Variants in ADAM22 observed in about 807,000 individuals in gnomAD.
ADAM22 encodes disintegrin and metalloproteinase domain-containing protein 22.
A neutral mutation model predicts 144.6 loss-of-function variants in ADAM22; 65 were observed. The ratio of observed to expected loss-of-function variants is 0.45; its 90% CI spans 0.37 to 0.55. The LOEUF is 0.55. ADAM22 is among the 20% of genes least tolerant of loss of function. ADAM22 has a pLI of 0.00. For missense variants in ADAM22, 974 were observed against 1,184.9 expected (o/e 0.82, Z 2.61); for synonymous variants, 391 against 412.6 (o/e 0.95, Z 0.63).
rs574358828 is a variant in ADAM22, at chr7:88,116,380, A to G, written c.538-365A>G. On this transcript the variant is annotated intron_variant, in intron 6 of 31. Coordinates refer to ENST00000413139, the MANE Select transcript of ADAM22 (RefSeq NM_001324418.2). ...AGATTGTTAGCTCTGTAGTCTGCCTACCAAAGCTCTCTGACTTTTAAAAGG... is the reference window on the plus strand; with the variant it reads ...AGATTGTTAGCTCTGTAGTCTGCCTGCCAAAGCTCTCTGACTTTTAAAAGG... 1.1e-4 allele frequency among the ~76,000 whole-genome samples: 16 copies of G among 152,300 alleles called. No individual in the cohort carries two copies. In the East Asian group the frequency reaches 2.9e-3, roughly 28 times the overall value.
In ADAM22 at chr7:87,944,971, C is replaced by T. The variant is rs189575523; in HGVS notation, c.246+9785C>T. The stretch of plus-strand genomic sequence containing the variant: ...TTTCTTTTTATTATTTCTTCCTCCT[C>T]TTTCTTTACCTTCTTGTCTTTCACC... On this transcript the variant is annotated intron_variant, in intron 2 of 31. Transcript: ENST00000413139. 5.3e-4 allele frequency among the ~76,000 whole-genome samples: 74 copies of T among 140,168 alleles called. 1 individual carries two copies. The highest frequency in any genetic ancestry group is 1.9e-3 in the African/African-American group (67 of 35,610). 92.0% of individuals were successfully genotyped at this position (140,168 alleles called of 152,430 possible).
At chr7:88,133,248 A>C (rs1832232452) in intron 12 of ADAM22, among the ~76,000 whole-genome samples, 1 of 151,916 alleles carries the variant, frequency 6.6e-6, no homozygotes, top group Non-Finnish European at 1.5e-5. Flanking sequence ...CTGTAGCCCC[A>C]GCTACTGGGG....
intron 2 of ADAM22, among the ~76,000 whole-genome samples, chr7:87,954,881 C>A (rs937703892): frequency 6.6e-6 from 1 of 152,104 alleles, no homozygotes; most frequent in African/African-American, 2.4e-5. Flanking sequence ...TCATTTCATT[C>A]ATTTCATCTT....
At chr7:88,143,418 T>G (rs1835386579) in intron 15 of ADAM22, among the ~76,000 whole-genome samples, 1 of 152,226 alleles carries the variant, frequency 6.6e-6, no homozygotes, top group Non-Finnish European at 1.5e-5. Context: ...AAAAATGGTT[T>G]TATTACTTTT....
chr7:87,964,925 CAT>C (rs754062920), intron 2 of ADAM22, among the ~76,000 whole-genome samples: 1 of 152,148 alleles, frequency 6.6e-6, no homozygotes, highest in African/African-American at 2.4e-5. Flanking sequence ...CCTATGTGTG[CAT>C]TGCAAGACTA....
intron 2 of ADAM22, among the ~76,000 whole-genome samples, chr7:87,957,504 C>T (rs1472726674): frequency 6.6e-6 from 1 of 152,144 alleles, no homozygotes; most frequent in African/African-American, 2.4e-5. Context: ...TCTTGCCCTT[C>T]TGTTTTCCCC....
intron 2 of ADAM22, among the ~76,000 whole-genome samples, chr7:87,938,441 A>G (rs1184057641): frequency 6.6e-6 from 1 of 150,636 alleles, no homozygotes; most frequent in Non-Finnish European, 1.5e-5. Context: ...CTGGTCTAGA[A>G]CTCCTGACCT....
At chr7:88,020,150 G>A (rs778564224) in intron 3 of ADAM22, among the ~76,000 whole-genome samples, 1 of 152,132 alleles carries the variant, frequency 6.6e-6, no homozygotes, top group East Asian at 1.9e-4. Context: ...TATTGGTATC[G>A]TGGTGTTAAT....
intron 3 of ADAM22, among the ~76,000 whole-genome samples, chr7:88,006,210 G>A (rs1485901323): frequency 6.6e-6 from 1 of 152,060 alleles, no homozygotes; most frequent in Non-Finnish European, 1.5e-5. Context: ...GGAAGAAGTT[G>A]AATCTCTGAA....
chr7:87,944,523 A>G (rs1206533622), intron 2 of ADAM22, among the ~76,000 whole-genome samples: 1 of 152,126 alleles, frequency 6.6e-6, no homozygotes, highest in Non-Finnish European at 1.5e-5. Context: ...GAGGCTACAC[A>G]TAGCTTGGTG....
chr7:88,001,649 G>A (rs986356146), intron 3 of ADAM22, among the ~76,000 whole-genome samples: 8 of 151,940 alleles, frequency 5.3e-5, no homozygotes, highest in Non-Finnish European at 1.2e-4. Flanking sequence ...TGAGAGGATG[G>A]CATTTTGAGG....
Position 87,935,075 on chromosome 7 carries a change from G to T in ADAM22, c.135G>T (p.Val45=). ...ELEKRKENRF[V]ERQSIVPLRL... ...AGAAGAGGAAGGAAAACCGCTTCGT[G>T]GAGCGCCAGAGCATCGTGCCACTGC... The change falls in exon 2 of 32, where the codon GTG becomes GTT. Residue 45 remains valine, a synonymous_variant. Transcript: ENST00000413139. 6.2e-7 allele frequency: 1 copy of T among 1,614,198 alleles called. No individual in the cohort carries two copies. The highest frequency in any genetic ancestry group is 8.5e-7 in the Non-Finnish European group (1 of 1,180,050).
At chr7:88,045,463 T>C (rs1421305293) in intron 3 of ADAM22, among the ~76,000 whole-genome samples, 2 of 152,238 alleles carry the variant, frequency 1.3e-5, no homozygotes, top group African/African-American at 4.8e-5. Flanking sequence ...GTATGCATGA[T>C]GTTTTGATGT....
chr7:87,982,054 T>C (rs1356194582), intron 3 of ADAM22, among the ~76,000 whole-genome samples: 1 of 116,318 alleles, frequency 8.6e-6, no homozygotes, highest in East Asian at 3.8e-4. Context: ...CATATATATA[T>C]ATATATATAT....
At chr7:88,088,497 G>A (rs2129484380) in intron 4 of ADAM22, among the ~76,000 whole-genome samples, 2 of 102,096 alleles carry the variant, frequency 2.0e-5, no homozygotes, top group Admixed American at 2.5e-4. Flanking sequence ...CCCAGTGAAT[G>A]TGTCAATGAC....
rs117254052 is a variant in ADAM22, at chr7:88,097,736, A to T, written c.391-10440A>T. On this transcript the variant is annotated intron_variant, in intron 4 of 31. Transcript: ENST00000413139. ...TTTTCTCTTTGTGCAACAATCATCT[A>T]GTCAGTTATGTTTTTTCCTGTTACT... Among the ~76,000 whole-genome samples the T allele has an allele frequency of 5.6e-3, 847 of 152,204 alleles. 5 individuals carry two copies. The highest frequency in any genetic ancestry group is 7.7e-3 in the South Asian group (37 of 4,824).
chr7:87,982,699 A>ATATATATATATATAT (rs10527361), intron 3 of ADAM22, among the ~76,000 whole-genome samples: 99 of 62,820 alleles, frequency 1.6e-3, no homozygotes, highest in East Asian at 3.1e-3. Context: ...ATATATATAT[A>ATATATATATATATAT]ATTTTTTTTT....
chr7:88,053,711 C>T (rs1394975937), intron 3 of ADAM22, among the ~76,000 whole-genome samples: 1 of 152,124 alleles, frequency 6.6e-6, no homozygotes, highest in African/African-American at 2.4e-5. Flanking sequence ...CATACTAATA[C>T]ATGTAGAAAT....
chr7:88,023,738 T>C (rs1268211252), intron 3 of ADAM22, among the ~76,000 whole-genome samples: 2 of 152,182 alleles, frequency 1.3e-5, no homozygotes, highest in Non-Finnish European at 2.9e-5. Context: ...TAAATTGTTA[T>C]TGACTATAGT....
Sources: gnomAD v4.1 joint callset for allele counts (sites outside exome capture counted in the v4.1 genomes callset) on GRCh38, gnomAD v4.1.1 for gene constraint, MANE v1.5 for transcripts, NCBI Gene and HGNC (gene_info 2026-07-23, HGNC 2026-07-21) for gene names.